RASA1: variants seen among roughly 807,000 people sequenced by gnomAD.
The protein encoded by RASA1 is ras GTPase-activating protein 1.
Under a neutral mutation model 132.2 loss-of-function variants are expected in RASA1, and 25 were observed. The ratio of observed to expected loss-of-function variants is 0.19; its 90% CI spans 0.14 to 0.26. The LOEUF is 0.26. RASA1 is among the 10% of genes least tolerant of loss of function. The probability of loss-of-function intolerance (pLI) is 1.00; values close to 1 mark genes in which losing one functional copy is unlikely to be tolerated. For synonymous variants in RASA1, 477 were observed against 449.9 expected, an observed-to-expected ratio of 1.06 and a Z score of -0.76; for missense variants, 964 against 1,299.2, an observed-to-expected ratio of 0.74 and a Z score of 3.97.
At chr5:87,380,841 C>G (rs1256187485) in intron 20 of RASA1, among the ~76,000 whole-genome samples, 3 of 152,120 alleles carry the variant, frequency 2.0e-5, no homozygotes, top group African/African-American at 7.2e-5. Flanking sequence ...TAAACCCTTA[C>G]AAGATGAGGC....
At chr5:87,363,587 C>T in intron 11 of RASA1, 83 bp downstream of exon 11, 2 of 1,461,794 alleles carry the variant, frequency 1.4e-6, no homozygotes, top group East Asian at 2.3e-5. Context: ...TTTTGAGAGC[C>T]CTAAAATCAT....
At chr5:87,356,423 G>A (rs937080968) in intron 9 of RASA1, among the ~76,000 whole-genome samples, 5 of 150,636 alleles carry the variant, frequency 3.3e-5, no homozygotes, top group African/African-American at 7.3e-5. Context: ...AGGGTCTTGC[G>A]CTGTGGCTGA....
chr5:87,353,286 A>G (rs1759415419), intron 9 of RASA1, 51 bp downstream of exon 9: 1 of 1,397,560 alleles, frequency 7.2e-7, no homozygotes, highest in Non-Finnish European at 1.0e-6. Context: ...TTTAAAATGC[A>G]TTTTGGTGGT....
chr5:87,296,813 A>C (rs370404960), intron 1 of RASA1, among the ~76,000 whole-genome samples: 1 of 152,100 alleles, frequency 6.6e-6, no homozygotes, highest in Admixed American at 6.6e-5. Context: ...TCTTAATGTT[A>C]TCTGAGTTTT....
intron 1 of RASA1, among the ~76,000 whole-genome samples, chr5:87,269,613 C>T (rs1459317620): frequency 6.6e-6 from 1 of 152,160 alleles, no homozygotes; most frequent in Non-Finnish European, 1.5e-5. Flanking sequence ...GTATCTTCTT[C>T]CATAGGCTTG....
intron 1 of RASA1, among the ~76,000 whole-genome samples, chr5:87,303,398 T>C (rs1179971991): frequency 6.6e-6 from 1 of 152,090 alleles, no homozygotes; most frequent in East Asian, 1.9e-4. Context: ...TCTTTTCTAA[T>C]TTCTTGAGGT....
intron 12 of RASA1, among the ~76,000 whole-genome samples, chr5:87,370,224 T>C (rs974344490): frequency 1.3e-5 from 2 of 152,152 alleles, no homozygotes; most frequent in African/African-American, 4.8e-5. Context: ...AATCCAAAGG[T>C]AAGCCAGTTA....
intron 1 of RASA1, 99 bp from the exon 2 acceptor site, chr5:87,331,249 T>G (rs767838565): frequency 2.4e-6 from 3 of 1,236,272 alleles, no homozygotes; most frequent in Non-Finnish European, 3.6e-6. Flanking sequence ...TTAAGTTACA[T>G]GTAGGCATTT....
chr5:87,374,460 T>TATATA (rs375254139), intron 14 of RASA1, 140 bp downstream of exon 14: 52 of 123,696 alleles, frequency 4.2e-4, no homozygotes, highest in African/African-American at 1.4e-3. Context: ...TATATATATA[T>TATATA]TTTTTTTTTT....
intron 1 of RASA1, among the ~76,000 whole-genome samples, chr5:87,272,500 GT>G (rs1284248059): frequency 1.3e-5 from 2 of 151,122 alleles, no homozygotes; most frequent in Non-Finnish European, 2.9e-5. Flanking sequence ...TTCCCCATCC[GT>G]AAAATGGGGA....
Position 87,362,564 on chromosome 5 carries a change from T to C in RASA1, c.1346T>C (p.Val449Ala), listed in dbSNP as rs1178664330. 1.9e-6 allele frequency: 3 copies of C among 1,591,770 alleles called. No individual in the cohort carries two copies. The highest frequency in any genetic ancestry group is 2.6e-6 in the Non-Finnish European group (3 of 1,160,134). ...TTTAAAATTCAGGATCAAGAACAAG[T>C]ACTCAATGACACAGTGGATGGCAAG... ...EPVPMQDQEQVLNDTVDGKEI... is the reference protein window; with the variant it reads ...EPVPMQDQEQALNDTVDGKEI... Residue 449 changes from valine (V) to alanine (A), a missense_variant, in exon 10 of 25, where the codon GTA becomes GCA. This residue lies in a region of RASA1 where 25 missense variants were observed against 18.8 expected (regional missense o/e 1.33). Transcript: ENST00000274376.
chr5:87,331,721 C>T (rs1299496801), intron 2 of RASA1, among the ~76,000 whole-genome samples: 7 of 152,118 alleles, frequency 4.6e-5, no homozygotes, highest in Non-Finnish European at 7.4e-5. Flanking sequence ...TGCTGATCCT[C>T]AAATATATTT....
At chr5:87,333,903 G>T (rs561783073) in intron 4 of RASA1, among the ~76,000 whole-genome samples, 173 of 152,170 alleles carry the variant, frequency 1.1e-3, no homozygotes, top group Non-Finnish European at 2.1e-3. Flanking sequence ...AACTGGACAG[G>T]CCTATAAATG....
chr5:87,336,449 T>C (rs959029870), intron 4 of RASA1, among the ~76,000 whole-genome samples: 1 of 152,094 alleles, frequency 6.6e-6, no homozygotes, highest in African/African-American at 2.4e-5. Flanking sequence ...TATGAGTCTT[T>C]TAAAAAGTTT....
intron 6 of RASA1, among the ~76,000 whole-genome samples, chr5:87,342,162 C>CTTT (rs531793273): frequency 7.2e-6 from 1 of 139,782 alleles, no homozygotes; most frequent in Non-Finnish European, 1.6e-5. Flanking sequence ...GTTATTTTTT[C>CTTT]TTTTTTTTTT....
chr5:87,388,548 C>T lies in RASA1; in HGVS notation c.2926-845C>T, dbSNP rs77982117. Among the ~76,000 whole-genome samples the T allele has an allele frequency of 2.1e-3, 318 of 152,198 alleles. 1 individual carries two copies. The highest frequency in any genetic ancestry group is 2.4e-3 in the Admixed American group (36 of 15,280). ...AGTATACTGCAAATATTCCAAAATC[C>T]GAAACACTTCTGGTCTCAAGCATTT... On this transcript the variant is annotated intron_variant, in intron 23 of 24. Coordinates refer to ENST00000274376, the MANE Select transcript of RASA1 (RefSeq NM_002890.3).
At chr5:87,306,353 A>C (rs1755610171) in intron 1 of RASA1, among the ~76,000 whole-genome samples, 2 of 152,210 alleles carry the variant, frequency 1.3e-5, no homozygotes, top group Non-Finnish European at 2.9e-5. Flanking sequence ...TATCCTCAGC[A>C]AACTAATGCA....
chr5:87,312,304 C>T (rs1463029108), intron 1 of RASA1, among the ~76,000 whole-genome samples: 1 of 152,156 alleles, frequency 6.6e-6, no homozygotes, highest in Admixed American at 6.5e-5. Context: ...GGAAATCTGT[C>T]TTCTGTTAAG....
At chr5:87,372,826 T>C (rs1761047913) in intron 13 of RASA1, among the ~76,000 whole-genome samples, 1 of 152,160 alleles carries the variant, frequency 6.6e-6, no homozygotes, top group African/African-American at 2.4e-5. Flanking sequence ...ACAATATTTA[T>C]TTACTAACCA....
Sources: gnomAD v4.1 joint callset for allele counts (sites outside exome capture counted in the v4.1 genomes callset) on GRCh38, gnomAD v4.1.1 for gene constraint, gnomAD v4.1.1 regional missense constraint, MANE v1.5 for transcripts, NCBI Gene and HGNC (gene_info 2026-07-23, HGNC 2026-07-21) for gene names.